The following ADCY2 variants were observed in gnomAD, a reference collection of about 807,000 sequenced individuals.
The protein encoded by ADCY2 is adenylate cyclase type 2.
Under a neutral mutation model 125.2 loss-of-function variants are expected in ADCY2, and 31 were observed. That is an observed-to-expected ratio of 0.25 (90% CI 0.19 to 0.33). The LOEUF is 0.33. Among genes scored for constraint, ADCY2 ranks in the 10% least tolerant of loss-of-function variants. ADCY2 has a pLI of 1.00. For missense variants in ADCY2, 904 were observed against 1,418.2 expected (o/e 0.64, Z 5.82); for synonymous variants, 512 against 548.4 (o/e 0.93, Z 0.93).
chr5:7,480,551 T>C (rs1351738615), intron 2 of ADCY2, among the ~76,000 whole-genome samples: 1 of 152,004 alleles, frequency 6.6e-6, no homozygotes, highest in East Asian at 1.9e-4. Context: ...AGCTGAATTA[T>C]GAGAACACAT....
chr5:7,761,492 G>A lies in ADCY2; in HGVS notation c.2094+3906G>A, dbSNP rs138307290. ...ATCCATCAATAGATAGATTGTTTCC[G>A]TATCTTGGGTGTTATGAATAATGCT... On this transcript the variant is annotated intron_variant, in intron 16 of 24. Coordinates refer to ENST00000338316, the MANE Select transcript of ADCY2 (RefSeq NM_020546.3). Among the ~76,000 whole-genome samples the A allele has an allele frequency of 5.9e-3, 902 of 152,122 alleles. 6 individuals carry two copies. The highest frequency in any genetic ancestry group is 0.021 in the African/African-American group (859 of 41,500).
At chr5:7,615,275 C>G (rs549342895) in intron 3 of ADCY2, among the ~76,000 whole-genome samples, 6 of 152,188 alleles carry the variant, frequency 3.9e-5, no homozygotes, top group Non-Finnish European at 8.8e-5. Flanking sequence ...CCCTTGCCTC[C>G]TCAGATCCAT....
chr5:7,575,173 AT>A (rs1250795890), intron 3 of ADCY2, among the ~76,000 whole-genome samples: 3 of 152,220 alleles, frequency 2.0e-5, no homozygotes, highest in East Asian at 3.9e-4. Context: ...ATAAAAAAAA[AT>A]TTTTAAATTA....
At chr5:7,545,920 T>C (rs1012935728) in intron 3 of ADCY2, among the ~76,000 whole-genome samples, 1 of 152,152 alleles carries the variant, frequency 6.6e-6, no homozygotes, top group African/African-American at 2.4e-5. Flanking sequence ...GCGCTGGGTG[T>C]GTGCAGACGG....
At position 7,425,574 on chromosome 5, in the gene ADCY2, A is replaced by G. The variant is rs141000743; in HGVS notation, c.408+10804A>G. ...TCAGGAAAAAATAAATTCAGAGTTT[A>G]AATTATTTCCTGTGAAAAGTTGCTA... On this transcript the variant is annotated intron_variant, in intron 2 of 24. Transcript: ENST00000338316. Among the ~76,000 whole-genome samples, 39 of 152,366 alleles carry G rather than the reference A, an allele frequency of 2.6e-4. 1 individual carries two copies. The East Asian group carries it at 5.8e-3, about 23-fold the overall frequency.
chr5:7,524,103 G>C (rs73046365), intron 3 of ADCY2, among the ~76,000 whole-genome samples: 1 of 152,080 alleles, frequency 6.6e-6, no homozygotes. Context: ...CCTTGAAGTA[G>C]AAGGCATTCT....
At chr5:7,428,419 A>T (rs973804615) in intron 2 of ADCY2, among the ~76,000 whole-genome samples, 5 of 152,088 alleles carry the variant, frequency 3.3e-5, no homozygotes, top group Admixed American at 6.6e-5. Flanking sequence ...ATGGCTTTTC[A>T]CTCCATGATA....
At chr5:7,580,181 T>A (rs564385426) in intron 3 of ADCY2, among the ~76,000 whole-genome samples, 59 of 152,256 alleles carry the variant, frequency 3.9e-4, no homozygotes, top group African/African-American at 1.4e-3. Context: ...GGATCAACTG[T>A]ACCCAAACCT....
At chr5:7,745,134 G>A (rs898840509) in intron 15 of ADCY2, among the ~76,000 whole-genome samples, 3 of 152,182 alleles carry the variant, frequency 2.0e-5, no homozygotes, top group Admixed American at 1.3e-4. Flanking sequence ...AGGACAGCGC[G>A]ATAGTGGCCT....
intron 3 of ADCY2, among the ~76,000 whole-genome samples, chr5:7,588,025 C>T (rs1313913308): frequency 6.6e-6 from 1 of 152,108 alleles, no homozygotes; most frequent in East Asian, 1.9e-4. Context: ...TTTATTATTA[C>T]TACTATTACA....
intron 8 of ADCY2, among the ~76,000 whole-genome samples, 192 bp downstream of exon 8, chr5:7,707,094 C>T (rs940316445): frequency 3.9e-5 from 6 of 152,178 alleles, no homozygotes; most frequent in Admixed American, 6.5e-5. Flanking sequence ...GTCACGACCC[C>T]GTTGTCCATA....
chr5:7,640,457 A>G (rs1278038038), intron 4 of ADCY2, among the ~76,000 whole-genome samples: 1 of 152,190 alleles, frequency 6.6e-6, no homozygotes, highest in Admixed American at 6.5e-5. Context: ...AGAGCAATGT[A>G]CTTCATCAGC....
intron 1 of ADCY2, among the ~76,000 whole-genome samples, chr5:7,403,921 T>C (rs1222361679): frequency 2.0e-5 from 3 of 150,030 alleles, no homozygotes; most frequent in African/African-American, 7.4e-5. Context: ...TTGTTTTGTT[T>C]TTATCCTTTC....
intron 4 of ADCY2, among the ~76,000 whole-genome samples, chr5:7,673,901 T>G (rs1249201772): frequency 6.6e-6 from 1 of 152,168 alleles, no homozygotes; most frequent in Non-Finnish European, 1.5e-5. Context: ...GAATGTGTTC[T>G]GGGATTCCTA....
rs869287430 is a variant in ADCY2, at chr5:7,418,647, G to GTTTTTTTT, written c.408+3896_408+3903dup. On this transcript the variant is annotated intron_variant, in intron 2 of 24. Transcript: ENST00000338316. ...AATTAAAAACAAAAGTCTACCTTCT[G>GTTTTTTTT]TTTTTTTTTTTTTTTTTTTTTTTTT... 3.0e-3 allele frequency among the ~76,000 whole-genome samples: 220 copies of GTTTTTTTT among 73,760 alleles called. 48 individuals carry two copies. The highest frequency in any genetic ancestry group is 0.013 in the African/African-American group (203 of 16,064). The allele number at this position is 73,760 out of a possible 152,430, so 48.4% of individuals were successfully genotyped here.
chr5:7,700,536 G>A (rs1169033980), intron 7 of ADCY2, among the ~76,000 whole-genome samples: 2 of 149,204 alleles, frequency 1.3e-5, no homozygotes, highest in South Asian at 2.1e-4. Flanking sequence ...CGTTGGAATT[G>A]TGAGCTTAAT....
intron 3 of ADCY2, among the ~76,000 whole-genome samples, chr5:7,530,978 C>T (rs1734621284): frequency 6.6e-6 from 1 of 152,106 alleles, no homozygotes; most frequent in African/African-American, 2.4e-5. Flanking sequence ...TACAAATATC[C>T]CTCAGTCATG....
chr5:7,497,257 C>A lies in ADCY2; in HGVS notation c.409-23481C>A, dbSNP rs140914648. Among the ~76,000 whole-genome samples, 308 of 152,096 alleles carry A rather than the reference C, an allele frequency of 2.0e-3. 3 individuals carry two copies. The highest frequency in any genetic ancestry group is 7.3e-3 in the Admixed American group (112 of 15,288). ...GATACACAAACAAGAATAACCAGGG[C>A]AGTTATATAAAGCAGATCTGTAGAG... On this transcript the variant is annotated intron_variant, in intron 2 of 24. Transcript: ENST00000338316.
intron 23 of ADCY2, among the ~76,000 whole-genome samples, chr5:7,818,175 C>G (rs1745178304): frequency 6.6e-6 from 1 of 152,116 alleles, no homozygotes; most frequent in Admixed American, 6.5e-5. Context: ...CTCTTACATA[C>G]AAATTTCAAC....
Sources: gnomAD v4.1 joint callset for allele counts (sites outside exome capture counted in the v4.1 genomes callset) on GRCh38, gnomAD v4.1.1 for gene constraint, MANE v1.5 for transcripts, NCBI Gene and HGNC (gene_info 2026-07-23, HGNC 2026-07-21) for gene names.